Variants in ARB2A observed in about 807,000 individuals in gnomAD.
ARB2A encodes cotranscriptional regulator ARB2A.
the ARB2A span, among the ~76,000 whole-genome samples, chr5:93,940,782 A>G: frequency 6.6e-6 from 1 of 152,038 alleles, no homozygotes; most frequent in Non-Finnish European, 1.5e-5. Context: ...TGTAAACTAT[A>G]TTTTCATAAA....
chr5:93,779,126 C>T, the ARB2A span, among the ~76,000 whole-genome samples: 4,219 of 69,734 alleles, frequency 0.061, 69 homozygotes, highest in African/African-American at 0.13. Flanking sequence ...TGTGTGTGTG[C>T]GCGCGCGCGC....
chr5:94,003,652 G>A, the ARB2A span, among the ~76,000 whole-genome samples: 1 of 151,680 alleles, frequency 6.6e-6, no homozygotes, highest in South Asian at 2.1e-4. Context: ...TTAATGAAAT[G>A]TATAAAGACT....
chr5:93,998,983 T>C, the ARB2A span, among the ~76,000 whole-genome samples: 6 of 152,094 alleles, frequency 3.9e-5, no homozygotes, highest in African/African-American at 1.4e-4. Context: ...TGTTATGCTT[T>C]GTTTCTGGCA....
chr5:93,805,226 C>CT, the ARB2A span: 1 of 984,816 alleles, frequency 1.0e-6, no homozygotes, highest in Admixed American at 6.2e-5. Context: ...TCACTGAATC[C>CT]TTTCTTCTAT....
the ARB2A span, among the ~76,000 whole-genome samples, chr5:94,083,514 G>A: frequency 2.6e-5 from 4 of 151,934 alleles, no homozygotes; most frequent in African/African-American, 7.2e-5. Flanking sequence ...CAAAGGAAAC[G>A]TCTGTAAGCT....
chr5:94,011,314 C>T, the ARB2A span, among the ~76,000 whole-genome samples: 1 of 152,144 alleles, frequency 6.6e-6, no homozygotes, highest in Admixed American at 6.6e-5. Flanking sequence ...GTCATCCTCA[C>T]CAATGGCTTT....
At chr5:93,762,958 A>G in the ARB2A span, among the ~76,000 whole-genome samples, 1 of 152,226 alleles carries the variant, frequency 6.6e-6, no homozygotes, top group Non-Finnish European at 1.5e-5. Context: ...ACTAAGCTTC[A>G]TAAGTGAAGG....
the ARB2A span, among the ~76,000 whole-genome samples, chr5:93,811,403 T>G: frequency 6.6e-6 from 1 of 152,026 alleles, no homozygotes; most frequent in South Asian, 2.1e-4. Flanking sequence ...TAATGAAAAA[T>G]CGATTAAAAT....
the ARB2A span, among the ~76,000 whole-genome samples, chr5:94,085,046 TAC>T: frequency 1.3e-5 from 2 of 152,110 alleles, no homozygotes; most frequent in African/African-American, 4.8e-5. Flanking sequence ...TGCAGAATAA[TAC>T]AGATTCTTAT....
chr5:94,014,552 A>C, the ARB2A span, among the ~76,000 whole-genome samples: 1 of 152,162 alleles, frequency 6.6e-6, no homozygotes, highest in African/African-American at 2.4e-5. Context: ...AAATCAAGGA[A>C]CTAGTGTCTG....
At chr5:94,074,643 T>C in the ARB2A span, 2 of 1,609,408 alleles carry the variant, frequency 1.2e-6, no homozygotes, top group Non-Finnish European at 1.7e-6. Flanking sequence ...ATTAAGTATG[T>C]ACCTTTCAGT....
chr5:93,753,650 C>CT, the ARB2A span, among the ~76,000 whole-genome samples: 1 of 152,112 alleles, frequency 6.6e-6, no homozygotes, highest in African/African-American at 2.4e-5. Context: ...TTCCTTTCTT[C>CT]TTTTTAAAAT....
chr5:93,680,976 A>G, the ARB2A span, among the ~76,000 whole-genome samples: 1 of 152,202 alleles, frequency 6.6e-6, no homozygotes, highest in Non-Finnish European at 1.5e-5. Flanking sequence ...TGATATGTTT[A>G]TGAATAGGTA....
chr5:93,985,707 A>G, the ARB2A span, among the ~76,000 whole-genome samples: 449 of 152,230 alleles, frequency 2.9e-3, 2 homozygotes, highest in African/African-American at 0.011. Flanking sequence ...TTGCAGACGG[A>G]GTCTCGCTCA....
the ARB2A span, among the ~76,000 whole-genome samples, chr5:93,673,361 G>A: frequency 6.6e-6 from 1 of 151,540 alleles, no homozygotes; most frequent in Non-Finnish European, 1.5e-5. Context: ...CGACAGATGT[G>A]TTCTTTCTTT....
At chr5:94,111,557 G>C in the ARB2A span, 1 of 152,296 alleles carries the variant, frequency 6.6e-6, no homozygotes, top group Non-Finnish European at 1.5e-5. Context: ...GGCGGGAGGA[G>C]GCGTGGCCTT....
the ARB2A span, among the ~76,000 whole-genome samples, chr5:93,948,632 T>C: frequency 6.6e-6 from 1 of 152,222 alleles, no homozygotes; most frequent in African/African-American, 2.4e-5. Context: ...CTAGGGTTTT[T>C]ATGGTTTTAG....
At chr5:93,885,141 T>C in the ARB2A span, among the ~76,000 whole-genome samples, 1 of 151,548 alleles carries the variant, frequency 6.6e-6, no homozygotes, top group Admixed American at 6.6e-5. Context: ...TTTAAAAAAG[T>C]GATTCTTTCC....
chr5:94,010,244 T>C, the ARB2A span, among the ~76,000 whole-genome samples: 1 of 152,154 alleles, frequency 6.6e-6, no homozygotes, highest in Admixed American at 6.5e-5. Context: ...ATATATTGCG[T>C]CTTCATTTTC....
Sources: allele counts gnomAD v4.1 joint callset (sites outside exome capture counted in the v4.1 genomes callset), GRCh38; gene constraint gnomAD v4.1.1; transcripts MANE v1.5; gene names NCBI Gene and HGNC (gene_info 2026-07-23, HGNC 2026-07-21).